BPTF: variants seen among roughly 807,000 people sequenced by gnomAD.
BPTF encodes bromodomain PHD finger transcription factor, also known as nucleosome-remodeling factor subunit BPTF.
BPTF carries 18 observed loss-of-function variants against 292.5 expected under a neutral mutation model. The ratio of observed to expected loss-of-function variants is 0.06; its 90% CI spans 0.04 to 0.09. The LOEUF (loss-of-function observed/expected upper bound fraction) is 0.09, where lower values mean the gene tolerates loss of function less well. Ranked by LOEUF, BPTF falls within the 10% of genes least tolerant of loss-of-function variation. The pLI is 1.00. For missense variants in BPTF, 2,726 were observed against 3,498.7 expected (o/e 0.78, Z 5.57); for synonymous variants, 1,225 against 1,251.9 (o/e 0.98, Z 0.45).
chr17:67,921,917 A>C (rs1194979849), intron 13 of BPTF, among the ~76,000 whole-genome samples: 6 of 152,156 alleles, frequency 3.9e-5, no homozygotes. Flanking sequence ...CTGTAGTCCC[A>C]GCTACTCGGG....
intron 1 of BPTF, among the ~76,000 whole-genome samples, chr17:67,836,352 A>G (rs531359251): frequency 9.2e-5 from 14 of 152,338 alleles, no homozygotes. Flanking sequence ...TTTACTAGAA[A>G]TATGGCTTCT....
In BPTF at chr17:67,918,833, G is replaced by A. The variant is rs555249817; in HGVS notation, c.5423G>A (p.Arg1808Gln). ...AKAPPGGGTT[R>Q]TETSETEITT... ...GCTCCTCCAGGAGGAGGGACTACAC[G>A]GACAGGTAAGGGGGAAGGGAGTTAT... Residue 1808 changes from arginine (R) to glutamine (Q), a missense_variant, in exon 12 of 28, where the codon CGG becomes CAG. Physicochemically the swap from Arg to Gln is conservative, Grantham distance 43. Coordinates refer to ENST00000306378, the MANE Select transcript of BPTF (RefSeq NM_182641.4). 7.4e-6 allele frequency: 12 copies of A among 1,612,896 alleles called. No homozygotes were observed. The highest frequency in any genetic ancestry group is 6.6e-5 in the South Asian group (6 of 91,050).
intron 10 of BPTF, 135 bp downstream of exon 10, chr17:67,909,896 A>G (rs1026541792): frequency 1.1e-5 from 7 of 660,220 alleles, no homozygotes; most frequent in Non-Finnish European, 1.6e-5. Context: ...ATCCCATACA[A>G]TTCACCCAAT....
chr17:67,959,690 T>G lies in BPTF; in HGVS notation c.8076T>G (p.Ala2692=). The G allele has an allele frequency of 6.5e-7, 1 of 1,528,218 alleles. No individual in the cohort carries two copies. The highest frequency in any genetic ancestry group is 8.8e-7 in the Non-Finnish European group (1 of 1,131,634). 94.7% of individuals were successfully genotyped at this position (1,528,218 alleles called of 1,614,324 possible). A position where few individuals can be genotyped will look rare whatever the true frequency, so the allele number is the denominator to read the frequency against. Residue 2692 remains alanine, a synonymous_variant, in exon 24 of 28, where the codon GCT becomes GCG. Transcript: ENST00000306378. ...APPPSPPPPP[A]VQHTGLLSTP... is the part of the protein sequence containing the mutation. ...CACCTTCACCTCCCCCTCCACCTGC[T>G]GTGCAACACACAGGCCTTCTGTCCA...
At position 67,881,852 on chromosome 17, in the gene BPTF, GTTTTTGTTTTTT is replaced by G. The variant is rs1200674332; in HGVS notation, c.1864+6838_1864+6849del. Among the ~76,000 whole-genome samples, 145 of 38,402 alleles carry G rather than the reference GTTTTTGTTTTTT, an allele frequency of 3.8e-3. 9 individuals carry two copies. Among genetic ancestry groups the G allele is most frequent in the African/African-American group, 6.1e-3 (138 of 22,654 alleles). 25.2% of individuals were successfully genotyped at this position (38,402 alleles called of 152,430 possible). On this transcript the variant is annotated intron_variant, in intron 4 of 27. Transcript: ENST00000306378. The stretch of plus-strand genomic sequence containing the variant: ...TAATATGGAGTTTTGGGGATTTTGG[GTTTTTGTTTTTT>G]TTTTTTTTTTTTTTTTTTTTGAGAC...
At chr17:67,915,902 CCG>C (rs1350775961) in intron 11 of BPTF, among the ~76,000 whole-genome samples, 2 of 152,162 alleles carry the variant, frequency 1.3e-5, no homozygotes, top group African/African-American at 4.8e-5. Flanking sequence ...AGCAGACTTA[CCG>C]TGCATGTGGT....
intron 4 of BPTF, among the ~76,000 whole-genome samples, chr17:67,884,138 C>CTTTT (rs200471908): frequency 2.8e-4 from 37 of 134,424 alleles, no homozygotes; most frequent in Non-Finnish European, 5.0e-4. Flanking sequence ...CATTTTCTTT[C>CTTTT]TTTTTTTTTT....
chr17:67,875,049 T>G, intron 4 of BPTF, 29 bp downstream of exon 4: 1 of 1,563,948 alleles, frequency 6.4e-7, no homozygotes, highest in Admixed American at 1.8e-5. Context: ...TAAAAAGAAA[T>G]ATTTCATTAG....
At chr17:67,967,426 G>A (rs2068240964) in intron 26 of BPTF, among the ~76,000 whole-genome samples, 1 of 151,926 alleles carries the variant, frequency 6.6e-6, no homozygotes. Flanking sequence ...ACAAGTGTGA[G>A]CCACCATACC....
chr17:67,962,191 A>T (rs1313223019), intron 24 of BPTF, among the ~76,000 whole-genome samples: 1 of 152,164 alleles, frequency 6.6e-6, no homozygotes, highest in Non-Finnish European at 1.5e-5. Context: ...ACCATATATT[A>T]TTCCTTCACA....
chr17:67,903,911 A>C lies in BPTF; in HGVS notation c.2666A>C (p.Lys889Thr). The stretch of plus-strand genomic sequence containing the variant: ...TGGGTAAAATACACATTTCCAGTTA[A>C]GCATCAGGTAATTTTTACAACAACC... ...ATWVKYTFPVKHQVWKQKGEE... is the reference protein window; with the variant it reads ...ATWVKYTFPVTHQVWKQKGEE... The change falls in exon 8 of 28, where the codon AAG becomes ACG. Residue 889 changes from lysine (K) to threonine (T), a missense_variant. Coordinates refer to ENST00000306378, the MANE Select transcript of BPTF (RefSeq NM_182641.4). 6.3e-7 allele frequency: 1 copy of C among 1,582,206 alleles called. No individual in the cohort carries two copies. The highest frequency in any genetic ancestry group is 8.5e-7 in the Non-Finnish European group (1 of 1,171,582).
At chr17:67,838,298 G>A (rs1159704721) in intron 1 of BPTF, among the ~76,000 whole-genome samples, 4 of 152,130 alleles carry the variant, frequency 2.6e-5, no homozygotes, top group Non-Finnish European at 4.4e-5. Flanking sequence ...TCGATAATTC[G>A]TTTAGGAAAA....
chr17:67,861,973 TTTTTG>T (rs1052116840), intron 2 of BPTF, among the ~76,000 whole-genome samples: 4 of 152,112 alleles, frequency 2.6e-5, no homozygotes, highest in African/African-American at 7.2e-5. Context: ...ACCAATAGTT[TTTTTG>T]TTTTGTTTTG....
chr17:67,857,292 C>G (rs1291123614), intron 2 of BPTF, among the ~76,000 whole-genome samples: 2 of 151,338 alleles, frequency 1.3e-5, no homozygotes, highest in Non-Finnish European at 2.9e-5. Context: ...CTCCGAGTAG[C>G]TGGGACTACA....
chr17:67,879,695 AC>A (rs1214214494), intron 4 of BPTF, among the ~76,000 whole-genome samples: 4 of 152,192 alleles, frequency 2.6e-5, no homozygotes, highest in Non-Finnish European at 2.9e-5. Context: ...TGATGCTTCC[AC>A]TAATGACGGA....
chr17:67,982,211 T>C, intron 27 of BPTF, 41 bp from the exon 28 acceptor site: 1 of 1,582,678 alleles, frequency 6.3e-7, no homozygotes, highest in Admixed American at 1.7e-5. Context: ...TTTTCAAAAA[T>C]GAAGGGTGCT....
chr17:67,926,697 A>G (rs758159189), intron 15 of BPTF, among the ~76,000 whole-genome samples: 14 of 152,120 alleles, frequency 9.2e-5, no homozygotes, highest in Non-Finnish European at 1.8e-4. Flanking sequence ...TTGAAGGCAT[A>G]TCCTCCTATA....
intron 4 of BPTF, among the ~76,000 whole-genome samples, chr17:67,878,563 A>C (rs774426848): frequency 6.6e-6 from 1 of 151,304 alleles, no homozygotes; most frequent in Non-Finnish European, 1.5e-5. Context: ...CATCAGCATC[A>C]CTCTTTGTCT....
At position 67,865,938 on chromosome 17, in the gene BPTF, T is replaced by G. The variant is rs74908807; in HGVS notation, c.1437-526T>G. 1.1e-3 allele frequency among the ~76,000 whole-genome samples: 167 copies of G among 152,298 alleles called. 3 individuals carry two copies. In the East Asian group the frequency reaches 0.029, roughly 27 times the overall value. ...AACTTAGCAAAGCATTTACACCATT[T>G]TGTTAGAAATATTTCTAAACTATAT... On this transcript the variant is annotated intron_variant, in intron 2 of 27. Coordinates refer to ENST00000306378, the MANE Select transcript of BPTF (RefSeq NM_182641.4).
Sources: allele counts gnomAD v4.1 joint callset (sites outside exome capture counted in the v4.1 genomes callset), GRCh38; gene constraint gnomAD v4.1.1; transcripts MANE v1.5; gene names NCBI Gene and HGNC (gene_info 2026-07-23, HGNC 2026-07-21).